The following HTR2C variants were observed in gnomAD, a reference collection of about 807,000 sequenced individuals.
HTR2C encodes the protein 5-hydroxytryptamine (serotonin) receptor 2C, G protein-coupled.
In HTR2C, 5 loss-of-function variants were observed where a neutral mutation model predicts 21.0. The ratio of observed to expected loss-of-function variants is 0.24; its 90% CI spans 0.12 to 0.50. The LOEUF (loss-of-function observed/expected upper bound fraction) is 0.50. HTR2C is among the 20% of genes least tolerant of loss of function. The pLI, the probability that HTR2C is intolerant of heterozygous loss-of-function variation, is 0.98. For missense variants in HTR2C, 271 were observed against 371.2 expected (o/e 0.73, Z 2.22); for synonymous variants, 150 against 145.3 (o/e 1.03, Z -0.23).
At chrX:114,839,002 T>C (rs2070811092) in intron 4 of HTR2C, among the ~76,000 whole-genome samples, 1 of 112,254 alleles carries the variant, frequency 8.9e-6, no homozygotes, top group South Asian at 3.6e-4. Context: ...ACCCTCCACA[T>C]GATCAACTTC....
intron 2 of HTR2C, among the ~76,000 whole-genome samples, chrX:114,679,802 C>T (rs1931688647): frequency 1.8e-5 from 2 of 111,651 alleles, no homozygotes; most frequent in Non-Finnish European, 3.8e-5. Flanking sequence ...GAATCTAGGT[C>T]TTCACTTCTA....
intron 4 of HTR2C, among the ~76,000 whole-genome samples, chrX:114,756,360 G>A (rs1556430270): frequency 9.0e-6 from 1 of 111,522 alleles, no homozygotes; most frequent in Non-Finnish European, 1.9e-5. Context: ...TTATCCCAGA[G>A]AAATGAAGAT....
At chrX:114,662,488 C>T (rs1931026726) in intron 2 of HTR2C, among the ~76,000 whole-genome samples, 1 of 111,615 alleles carries the variant, frequency 9.0e-6, no homozygotes, top group Non-Finnish European at 1.9e-5. Context: ...AGAAATTGTT[C>T]CCTTGATTTA....
intron 2 of HTR2C, among the ~76,000 whole-genome samples, chrX:114,644,756 A>G (rs1196823058): frequency 9.1e-6 from 1 of 110,139 alleles, no homozygotes; most frequent in Non-Finnish European, 1.9e-5. Flanking sequence ...CAAAATTGAA[A>G]GTATTAATGA....
chrX:114,740,606 T>G (rs2069635422), intron 4 of HTR2C, among the ~76,000 whole-genome samples: 1 of 111,744 alleles, frequency 8.9e-6, no homozygotes, highest in Admixed American at 9.5e-5. Flanking sequence ...TATTACAGAC[T>G]ATCCACAAAA....
At chrX:114,778,708 T>C (rs781828190) in intron 4 of HTR2C, among the ~76,000 whole-genome samples, 31 of 110,355 alleles carry the variant, frequency 2.8e-4, no homozygotes, top group Non-Finnish European at 5.3e-4. Context: ...TTTCCCATTT[T>C]TCATGTAAAA....
chrX:114,661,182 C>T (rs1328090752), intron 2 of HTR2C, among the ~76,000 whole-genome samples: 1 of 110,970 alleles, frequency 9.0e-6, no homozygotes, highest in African/African-American at 3.3e-5. Flanking sequence ...TGGCCGGGCG[C>T]GGTGGCCCAC....
At position 114,811,624 on chromosome X, in the gene HTR2C, T is replaced by A. The variant is rs781924900; in HGVS notation, c.350-36379T>A. Among the ~76,000 whole-genome samples the A allele has an allele frequency of 7.9e-4, 89 of 112,631 alleles. 1 individual carries two copies. In the South Asian group the frequency reaches 0.031, roughly 39 times the overall value. On this transcript the variant is annotated intron_variant, in intron 4 of 5. Transcript: ENST00000276198. ...GCATGCACTCGTTACAAAGATTTAATTCGCTGATAAACATGTTACCATATT... is the reference window on the plus strand; with the variant it reads ...GCATGCACTCGTTACAAAGATTTAAATCGCTGATAAACATGTTACCATATT...
At chrX:114,865,675 C>A (rs1295789683) in intron 5 of HTR2C, among the ~76,000 whole-genome samples, 1 of 111,219 alleles carries the variant, frequency 9.0e-6, no homozygotes. Context: ...TTTATATAAT[C>A]TAGGGTAAAA....
intron 2 of HTR2C, among the ~76,000 whole-genome samples, chrX:114,685,450 A>G (rs1931881823): frequency 8.9e-6 from 1 of 112,350 alleles, no homozygotes. Context: ...TTCTGAATTC[A>G]TTAGTGAAGT....
At chrX:114,587,486 A>G (rs11798441) in intron 1 of HTR2C, among the ~76,000 whole-genome samples, 14,103 of 111,709 alleles carry the variant, frequency 0.13, 758 homozygotes, top group South Asian at 0.27. Flanking sequence ...GGAAAACTTC[A>G]TCATAAATTG....
intron 2 of HTR2C, among the ~76,000 whole-genome samples, chrX:114,699,720 C>T (rs1170676807): frequency 2.7e-5 from 3 of 112,015 alleles, no homozygotes; most frequent in African/African-American, 9.7e-5. Flanking sequence ...AGCAACCACA[C>T]ATAGTTATAC....
intron 2 of HTR2C, among the ~76,000 whole-genome samples, chrX:114,659,899 AC>A (rs782222365): frequency 2.7e-5 from 3 of 111,405 alleles, no homozygotes; most frequent in African/African-American, 9.8e-5. Flanking sequence ...GGTACTCTCC[AC>A]CATTTTTACA....
rs782343694 is a variant in HTR2C, at chrX:114,720,140, G to C, written c.-79-6718G>C. On this transcript the variant is annotated intron_variant, in intron 2 of 5. Transcript: ENST00000276198. ...GAGAAAGAGATGTCTGTGTTGTCTG[G>C]TAAAATTTATGGGACAGTATTGGCC... is the stretch of plus-strand genomic sequence containing the variant. Among the ~76,000 whole-genome samples the C allele has an allele frequency of 2.3e-4, 26 of 111,253 alleles. No homozygotes were observed. In the East Asian group the frequency reaches 7.4e-3, roughly 32 times the overall value.
At chrX:114,663,044 A>G (rs782274513) in intron 2 of HTR2C, among the ~76,000 whole-genome samples, 4 of 111,793 alleles carry the variant, frequency 3.6e-5, no homozygotes, top group African/African-American at 9.7e-5. Flanking sequence ...CGTGCTAATC[A>G]TGGATTTGCT....
chrX:114,619,888 C>A (rs192252544), intron 2 of HTR2C, among the ~76,000 whole-genome samples: 66 of 111,917 alleles, frequency 5.9e-4, no homozygotes, highest in Admixed American at 1.9e-3. Context: ...TATTTGCTTT[C>A]GCTCAATATT....
At chrX:114,851,984 C>T (rs781921971) in intron 5 of HTR2C, among the ~76,000 whole-genome samples, 8 of 110,806 alleles carry the variant, frequency 7.2e-5, no homozygotes, top group Non-Finnish European at 1.1e-4. Context: ...TAACTTTGTC[C>T]CCAAACCATT....
chrX:114,741,525 A>G (rs1279691987), intron 4 of HTR2C, among the ~76,000 whole-genome samples: 2 of 52,905 alleles, frequency 3.8e-5, no homozygotes, highest in Non-Finnish European at 6.2e-5. Flanking sequence ...GACTCCGTCT[A>G]AAAAAAAAAA....
intron 5 of HTR2C, among the ~76,000 whole-genome samples, chrX:114,903,602 G>T (rs1258488614): frequency 1.8e-5 from 2 of 112,040 alleles, no homozygotes; most frequent in Non-Finnish European, 3.8e-5. Context: ...CCTTGACAAG[G>T]CCTACTTTAG....
Sources: allele counts gnomAD v4.1 joint callset (sites outside exome capture counted in the v4.1 genomes callset), GRCh38; gene constraint gnomAD v4.1.1; transcripts MANE v1.5; gene names NCBI Gene and HGNC (gene_info 2026-07-23, HGNC 2026-07-21).